The following EYA2 variants were observed in gnomAD, a reference collection of about 807,000 sequenced individuals.
EYA2 encodes the protein EYA transcriptional coactivator and phosphatase 2, also known as protein phosphatase EYA2.
A neutral mutation model predicts 69.2 loss-of-function variants in EYA2; 31 were observed. The ratio of observed to expected loss-of-function variants is 0.45; its 90% CI spans 0.34 to 0.60. EYA2 has a LOEUF of 0.60. Ranked by LOEUF, EYA2 falls within the 20% of genes least tolerant of loss-of-function variation. EYA2 has a pLI of 0.02. For missense variants in EYA2, 622 were observed against 701.2 expected, an observed-to-expected ratio of 0.89 and a Z score of 1.28; for synonymous variants, 257 against 279.4, an observed-to-expected ratio of 0.92 and a Z score of 0.80.
chr20:47,073,725 G>A (rs772341951), intron 6 of EYA2, among the ~76,000 whole-genome samples: 3 of 151,996 alleles, frequency 2.0e-5, no homozygotes, highest in Non-Finnish European at 4.4e-5. Flanking sequence ...ACCAGTGCAC[G>A]GGGCAGGCAG....
At chr20:47,016,357 C>CCATT (rs199975978) in intron 5 of EYA2, 60 bp downstream of exon 5, 31 of 1,281,646 alleles carry the variant, frequency 2.4e-5, no homozygotes, top group South Asian at 3.6e-5. Context: ...AGTTGGGTGT[C>CCATT]CATTCATTCA....
intron 9 of EYA2, among the ~76,000 whole-genome samples, chr20:47,109,336 C>T (rs142807273): frequency 6.6e-6 from 1 of 152,266 alleles, no homozygotes; most frequent in African/African-American, 2.4e-5. Flanking sequence ...ACACAAGGCC[C>T]CTTTCTTGTT....
intron 5 of EYA2, among the ~76,000 whole-genome samples, chr20:47,024,482 C>G (rs6090605): frequency 0.059 from 9,052 of 152,282 alleles, 786 homozygotes; most frequent in African/African-American, 0.2. Flanking sequence ...TCTCTCTCAG[C>G]CCTGGGTAGT....
intron 1 of EYA2, among the ~76,000 whole-genome samples, chr20:46,960,563 C>T (rs1979411964): frequency 6.6e-6 from 1 of 152,124 alleles, no homozygotes; most frequent in South Asian, 2.1e-4. Context: ...GCTGGGCTCC[C>T]GTCGTCCAGC....
At chr20:47,003,795 T>C (rs952947942) in intron 3 of EYA2, among the ~76,000 whole-genome samples, 2 of 152,242 alleles carry the variant, frequency 1.3e-5, no homozygotes, top group Admixed American at 6.5e-5. Flanking sequence ...GAATAGCAGA[T>C]TCATGGTTCC....
In EYA2 at chr20:46,991,968, C is replaced by CAAAAAAAA. The variant is rs36163121; in HGVS notation, c.109+1860_109+1867dup. Reference sequence around the variant, plus strand: ...GGGCGACAGACGTGAGACTCCGTCTCAAAAAAAAAAAAAAAAAACGCTGAA... The same window carrying CAAAAAAAA: ...GGGCGACAGACGTGAGACTCCGTCTCAAAAAAAAAAAAAAAAAAAAAAAAAACGCTGAA... On this transcript the variant is annotated intron_variant, in intron 2 of 15. Transcript: ENST00000327619. Among the ~76,000 whole-genome samples, 10 of 79,188 alleles carry CAAAAAAAA rather than the reference C, an allele frequency of 1.3e-4. 1 individual carries two copies. Among genetic ancestry groups the CAAAAAAAA allele is most frequent in the Non-Finnish European group, 2.4e-4 (10 of 42,064 alleles). The allele number at this position is 79,188 out of a possible 152,430, so 52.0% of individuals were successfully genotyped here. A position where few individuals can be genotyped will look rare whatever the true frequency, so the allele number is the denominator to read the frequency against.
intron 5 of EYA2, among the ~76,000 whole-genome samples, chr20:47,029,998 A>G (rs4810589): frequency 0.66 from 100,183 of 152,098 alleles, 35,540 homozygotes; most frequent in Non-Finnish European, 0.8. Context: ...CTCTGTCCCA[A>G]TTACTCGTAA....
chr20:47,082,143 C>T (rs1285344076), intron 7 of EYA2, among the ~76,000 whole-genome samples: 4 of 151,838 alleles, frequency 2.6e-5, no homozygotes, highest in African/African-American at 7.3e-5. Context: ...CCCAGCCAAC[C>T]CTGCCAATTA....
chr20:46,973,301 A>C (rs918516067), intron 1 of EYA2, among the ~76,000 whole-genome samples: 7 of 152,234 alleles, frequency 4.6e-5, no homozygotes, highest in African/African-American at 1.7e-4. Flanking sequence ...CAACTAACCT[A>C]GTTTCTCCAA....
At chr20:47,023,485 C>T (rs1457323259) in intron 5 of EYA2, among the ~76,000 whole-genome samples, 1 of 152,044 alleles carries the variant, frequency 6.6e-6, no homozygotes, top group Non-Finnish European at 1.5e-5. Context: ...AATATTTCTT[C>T]AAATTTTTGT....
chr20:47,067,539 C>G (rs1356119055), intron 5 of EYA2, among the ~76,000 whole-genome samples: 5 of 152,224 alleles, frequency 3.3e-5, no homozygotes, highest in Non-Finnish European at 7.4e-5. Context: ...ATGTCTCTAT[C>G]AAAATAGCTC....
intron 1 of EYA2, among the ~76,000 whole-genome samples, chr20:46,917,800 G>A (rs889768383): frequency 6.6e-6 from 1 of 152,208 alleles, no homozygotes; most frequent in Non-Finnish European, 1.5e-5. Context: ...TTAGCGAGTT[G>A]TAGTCTTTTT....
chr20:47,106,832 C>T lies in EYA2; in HGVS notation c.888+9664C>T, dbSNP rs370766140. 2.0e-5 allele frequency among the ~76,000 whole-genome samples: 3 copies of T among 152,264 alleles called. No homozygotes were observed. The East Asian group carries it at 5.8e-4, about 29-fold the overall frequency. On this transcript the variant is annotated intron_variant, in intron 9 of 15. Transcript: ENST00000327619. The stretch of plus-strand genomic sequence containing the variant: ...CCAAGGCCAAAAAGCTCAAAATCTG[C>T]TACCTTATGAATGGGAGGCTGGAAA...
intron 5 of EYA2, among the ~76,000 whole-genome samples, chr20:47,048,987 T>C (rs2030187085): frequency 6.6e-6 from 1 of 152,202 alleles, no homozygotes; most frequent in African/African-American, 2.4e-5. Context: ...TTCATGTGGT[T>C]CTCACAATGG....
At chr20:47,011,344 C>T (rs1983045439) in intron 4 of EYA2, among the ~76,000 whole-genome samples, 1 of 152,108 alleles carries the variant, frequency 6.6e-6, no homozygotes, top group Non-Finnish European at 1.5e-5. Context: ...TCACGGAGCA[C>T]CTGCTCAGGG....
At chr20:46,928,868 C>T (rs1000200468) in intron 1 of EYA2, among the ~76,000 whole-genome samples, 2 of 152,116 alleles carry the variant, frequency 1.3e-5, no homozygotes, top group African/African-American at 4.8e-5. Context: ...GGCCCGGAAG[C>T]GGTGCTGTGC....
intron 15 of EYA2, among the ~76,000 whole-genome samples, chr20:47,184,709 C>G (rs2034603441): frequency 6.6e-6 from 1 of 152,116 alleles, no homozygotes; most frequent in Admixed American, 6.5e-5. Context: ...AGGCATGTGC[C>G]CGGCCACACC....
At chr20:47,131,286 C>T (rs940526838) in intron 9 of EYA2, among the ~76,000 whole-genome samples, 2 of 152,124 alleles carry the variant, frequency 1.3e-5, no homozygotes, top group African/African-American at 4.8e-5. Context: ...CTTGGCACCC[C>T]CAAATACCAC....
intron 5 of EYA2, among the ~76,000 whole-genome samples, chr20:47,057,092 A>G (rs1033894018): frequency 2.3e-5 from 3 of 131,764 alleles, no homozygotes; most frequent in Non-Finnish European, 4.9e-5. Flanking sequence ...AGGAAGGAAG[A>G]AAGGAAGGAG....
Sources: gnomAD v4.1 joint callset for allele counts (sites outside exome capture counted in the v4.1 genomes callset) on GRCh38, gnomAD v4.1.1 for gene constraint, MANE v1.5 for transcripts, NCBI Gene and HGNC (gene_info 2026-07-23, HGNC 2026-07-21) for gene names.